The following KCNQ1 variants were observed in gnomAD, a reference collection of about 807,000 sequenced individuals.
KCNQ1 encodes the protein potassium voltage-gated channel subfamily Q member 1.
In KCNQ1, 49 loss-of-function variants were observed where a neutral mutation model predicts 72.4. The observed-to-expected ratio is 0.68, with a 90% CI of 0.54 to 0.86. The LOEUF is 0.86. KCNQ1 is among the 40% of genes least tolerant of loss of function. The pLI is 0.00. For synonymous variants in KCNQ1, 450 were observed against 412.6 expected, an observed-to-expected ratio of 1.09 and a Z score of -1.10; for missense variants, 790 against 945.1, an observed-to-expected ratio of 0.84 and a Z score of 2.15.
Position 2,471,993 on chromosome 11 carries a change from AGTGT to A in KCNQ1, c.386+26515_386+26518del, listed in dbSNP as rs991972879. 2.2e-5 allele frequency among the ~76,000 whole-genome samples: 3 copies of A among 135,532 alleles called. No homozygotes were observed. The highest frequency in any genetic ancestry group is 4.8e-5 in the Non-Finnish European group (3 of 62,608). The allele number at this position is 135,532 out of a possible 152,430, so 88.9% of individuals were successfully genotyped here. On this transcript the variant is annotated intron_variant, in intron 1 of 15. Coordinates refer to ENST00000155840, the MANE Select transcript of KCNQ1 (RefSeq NM_000218.3). The surrounding 1 kb of genome is among the most constrained non-coding windows in gnomAD (Gnocchi z 4.8). Reference sequence around the variant, plus strand: ...GGGTGTGTGTGCACCTATGTGTATAAGTGTGTGTGCACATGTGTATAGGTGTATG... The same window carrying A: ...GGGTGTGTGTGCACCTATGTGTATAAGTGTGCACATGTGTATAGGTGTATG...
chr11:2,705,468 T>C (rs138816807), intron 11 of KCNQ1, among the ~76,000 whole-genome samples: 1,206 of 150,462 alleles, frequency 8.0e-3, no homozygotes, highest in Non-Finnish European at 0.012. Flanking sequence ...CCTGGTTGGG[T>C]GCCAGGCACG....
rs1259106441 is a variant in KCNQ1 at position 2,715,302 on chromosome 11, G to A, written c.1514+53221G>A. The stretch of plus-strand genomic sequence containing the variant: ...CTCTCTGGAGAGCTCAAGGGAACCT[G>A]TAAAGACCTGCGGGCTGTGTCATGG... On this transcript the variant is annotated intron_variant, in intron 11 of 15. Coordinates refer to ENST00000155840, the MANE Select transcript of KCNQ1 (RefSeq NM_000218.3). This position sits in a 1 kb window ranked among gnomAD's most constrained non-coding sequence, Gnocchi z 4.9. 3.3e-5 allele frequency among the ~76,000 whole-genome samples: 5 copies of A among 152,138 alleles called. No homozygotes were observed. The highest frequency in any genetic ancestry group is 1.2e-4 in the African/African-American group (5 of 41,420).
intron 11 of KCNQ1, among the ~76,000 whole-genome samples, chr11:2,733,814 A>ACACACACACACACACACACCCTCT: frequency 1.2e-5 from 1 of 86,614 alleles, no homozygotes; most frequent in Non-Finnish European, 2.4e-5. Flanking sequence ...ACACACACAC[A>ACACACACACACACACACACCCTCT]CTCTCTCACT....
chr11:2,692,354 A>G (rs1850602245), intron 11 of KCNQ1: 1 of 398,792 alleles, frequency 2.5e-6, no homozygotes, highest in Admixed American at 4.4e-5. Flanking sequence ...TACTGCAGGC[A>G]TCTCCTAACT....
intron 1 of KCNQ1, among the ~76,000 whole-genome samples, chr11:2,480,056 G>A (rs1003001852): frequency 1.3e-5 from 2 of 152,114 alleles, no homozygotes; most frequent in Non-Finnish European, 2.9e-5. Flanking sequence ...CTCCATCTGA[G>A]ACCACCTCAG....
At chr11:2,655,120 A>G in intron 10 of KCNQ1, 1 of 398,632 alleles carries the variant, frequency 2.5e-6, no homozygotes, top group Non-Finnish European at 4.4e-6. Flanking sequence ...CCTATCGAGC[A>G]GGACCACTGA....
intron 11 of KCNQ1, among the ~76,000 whole-genome samples, chr11:2,743,653 C>T (rs1311509593): frequency 6.6e-6 from 1 of 152,230 alleles, no homozygotes; most frequent in African/African-American, 2.4e-5. Context: ...CTTACTGATT[C>T]CTGGAGTCTG....
chr11:2,620,646 A>G lies in KCNQ1; in HGVS notation c.1393+31792A>G. The G allele has an allele frequency of 2.5e-6, 1 of 398,386 alleles. No homozygotes were observed. Among genetic ancestry groups the G allele is most frequent in the Non-Finnish European group, 4.4e-6 (1 of 226,052 alleles). 24.7% of individuals were successfully genotyped at this position (398,386 alleles called of 1,614,324 possible). Reference sequence around the variant, plus strand: ...TGCTGTTGTGAATAGTGCTGTGATGAACATACAAATGCATGTGTCTTTTTG... The same window carrying G: ...TGCTGTTGTGAATAGTGCTGTGATGGACATACAAATGCATGTGTCTTTTTG... On this transcript the variant is annotated intron_variant, in intron 10 of 15. Transcript: ENST00000155840. This position sits in a 1 kb window ranked among gnomAD's most constrained non-coding sequence, Gnocchi z 4.5.
In KCNQ1 at chr11:2,473,933, C is replaced by T. The variant is rs556433129; in HGVS notation, c.386+28449C>T. The stretch of plus-strand genomic sequence containing the variant: ...AACGGACATCCTCCTTCACCAAATC[C>T]GCAAAATAGGCCTGATGCCAGGAAC... On this transcript the variant is annotated intron_variant, in intron 1 of 15. Transcript: ENST00000155840. The surrounding 1 kb of genome is among the most constrained non-coding windows in gnomAD (Gnocchi z 6.0). Among the ~76,000 whole-genome samples, 130 of 152,350 alleles carry T rather than the reference C, an allele frequency of 8.5e-4. No homozygotes were observed. The highest frequency in any genetic ancestry group is 1.6e-3 in the Non-Finnish European group (109 of 68,026).
intron 11 of KCNQ1, among the ~76,000 whole-genome samples, chr11:2,753,321 C>G (rs1441651236): frequency 1.3e-5 from 2 of 152,168 alleles, no homozygotes; most frequent in Admixed American, 6.5e-5. Context: ...ATAGGGAGTT[C>G]AGAGGCCTCC....
intron 11 of KCNQ1, chr11:2,672,314 C>A (rs1564853229): frequency 5.0e-6 from 2 of 398,466 alleles, no homozygotes; most frequent in Non-Finnish European, 8.8e-6. Context: ...GGTGGGAGCT[C>A]AAGGGGGCCT....
intron 11 of KCNQ1, chr11:2,666,467 TC>T (rs1850069670): frequency 5.0e-6 from 2 of 398,714 alleles, no homozygotes; most frequent in Non-Finnish European, 8.8e-6. Flanking sequence ...CCCTGCAGAA[TC>T]TCACGCCAAG....
intron 11 of KCNQ1, among the ~76,000 whole-genome samples, chr11:2,745,000 G>A (rs1274662932): frequency 6.6e-6 from 1 of 152,112 alleles, no homozygotes; most frequent in Non-Finnish European, 1.5e-5. Context: ...ATAGTCTGCT[G>A]GTCGGAAGGA....
At chr11:2,770,356 C>T (rs1032856623) in intron 12 of KCNQ1, among the ~76,000 whole-genome samples, 5 of 152,232 alleles carry the variant, frequency 3.3e-5, no homozygotes, top group African/African-American at 9.6e-5. Flanking sequence ...ATCATATGCA[C>T]GTGCCTCACC....
At chr11:2,560,658 A>C (rs1451783755) in intron 2 of KCNQ1, among the ~76,000 whole-genome samples, 1 of 152,008 alleles carries the variant, frequency 6.6e-6, no homozygotes, top group Non-Finnish European at 1.5e-5. Flanking sequence ...CCACACCCCA[A>C]GTACAGCACC....
rs1168379699 is a variant in KCNQ1 at position 2,782,674 on chromosome 11, A to G, written c.1794+4637A>G. ...TATTTCTTCTTGTATCAGTTTTGATAAGTTATATATTCTAGGAATTTATAC... is the reference window on the plus strand; with the variant it reads ...TATTTCTTCTTGTATCAGTTTTGATGAGTTATATATTCTAGGAATTTATAC... On this transcript the variant is annotated intron_variant, in intron 15 of 15. Transcript: ENST00000155840. This position sits in a 1 kb window ranked among gnomAD's most constrained non-coding sequence, Gnocchi z 6.1. Among the ~76,000 whole-genome samples, 3 of 152,206 alleles carry G rather than the reference A, an allele frequency of 2.0e-5. No individual in the cohort carries two copies. Among genetic ancestry groups the G allele is most frequent in the African/African-American group, 7.2e-5 (3 of 41,446 alleles).
At chr11:2,505,711 G>T (rs973923185) in intron 1 of KCNQ1, among the ~76,000 whole-genome samples, 1 of 152,202 alleles carries the variant, frequency 6.6e-6, no homozygotes, top group Admixed American at 6.5e-5. Context: ...GAACCTTTAA[G>T]TGTGCAGCGT....
In KCNQ1 at chr11:2,475,479, T is replaced by G. The variant is rs1277122366; in HGVS notation, c.386+29995T>G. Among the ~76,000 whole-genome samples, 1 of 152,096 alleles carries G rather than the reference T, an allele frequency of 6.6e-6. No homozygotes were observed. The highest frequency in any genetic ancestry group is 1.5e-5 in the Non-Finnish European group (1 of 68,036). ...TGTGTTGCTTATGAAAATCACAAAA[T>G]TAAGTATGATGCCATCAAAATGAAA... On this transcript the variant is annotated intron_variant, in intron 1 of 15. Transcript: ENST00000155840. The surrounding 1 kb of genome is among the most constrained non-coding windows in gnomAD (Gnocchi z 5.8).
chr11:2,668,286 G>A lies in KCNQ1; in HGVS notation c.1514+6205G>A. The A allele has an allele frequency of 2.5e-6, 1 of 398,624 alleles. No individual in the cohort carries two copies. Among genetic ancestry groups the A allele is most frequent in the Non-Finnish European group, 4.4e-6 (1 of 226,090 alleles). 24.7% of individuals were successfully genotyped at this position (398,624 alleles called of 1,614,324 possible). ...TAAGAATATTCTGTACATGCTTTTG[G>A]TGAGCATCAGGTTGCGTTTCTGGGG... On this transcript the variant is annotated intron_variant, in intron 11 of 15. Transcript: ENST00000155840. The surrounding 1 kb of genome is among the most constrained non-coding windows in gnomAD (Gnocchi z 4.3).
Sources: allele counts gnomAD v4.1 joint callset (sites outside exome capture counted in the v4.1 genomes callset), GRCh38; gene constraint gnomAD v4.1.1; non-coding constraint Gnocchi (gnomAD v3.1); transcripts MANE v1.5; gene names NCBI Gene and HGNC (gene_info 2026-07-23, HGNC 2026-07-21).